Variants in TRAF3 observed in about 807,000 individuals in gnomAD.
TRAF3 encodes TNF receptor-associated factor 3.
In TRAF3, 13 loss-of-function variants were observed where a neutral mutation model predicts 62.3. The observed-to-expected ratio is 0.21, with a 90% CI of 0.14 to 0.33. The LOEUF (loss-of-function observed/expected upper bound fraction) is 0.33, where lower values mean the gene tolerates loss of function less well. Ranked by LOEUF, TRAF3 falls within the 10% of genes least tolerant of loss-of-function variation. The probability of loss-of-function intolerance (pLI) is 1.00; values close to 1 mark genes in which losing one functional copy is unlikely to be tolerated. For synonymous variants in TRAF3, 269 were observed against 283.4 expected (o/e 0.95, Z 0.51); for missense variants, 440 against 741.8 (o/e 0.59, Z 4.73).
chr14:102,778,651 G>A (rs1897141668), intron 1 of TRAF3, among the ~76,000 whole-genome samples: 1 of 152,170 alleles, frequency 6.6e-6, no homozygotes, highest in African/African-American at 2.4e-5. Context: ...GAAAGGTTAT[G>A]TCGAGCGTTG....
At chr14:102,854,027 G>A (rs766748850) in intron 2 of TRAF3, among the ~76,000 whole-genome samples, 4 of 152,028 alleles carry the variant, frequency 2.6e-5, no homozygotes. Flanking sequence ...TCATGTAATA[G>A]GAATCATACA....
intron 1 of TRAF3, among the ~76,000 whole-genome samples, chr14:102,800,336 G>C (rs1898318007): frequency 6.6e-6 from 1 of 152,216 alleles, no homozygotes; most frequent in Admixed American, 6.5e-5. Context: ...AGCTCTCAGA[G>C]AGGCTGTTAG....
intron 2 of TRAF3, among the ~76,000 whole-genome samples, chr14:102,864,705 C>T (rs1887880909): frequency 6.6e-6 from 1 of 152,158 alleles, no homozygotes; most frequent in Non-Finnish European, 1.5e-5. Flanking sequence ...GGGTTGAGGG[C>T]ATGTTAGTAA....
At chr14:102,821,798 C>T (rs1900002392) in intron 1 of TRAF3, among the ~76,000 whole-genome samples, 1 of 152,208 alleles carries the variant, frequency 6.6e-6, no homozygotes, top group Non-Finnish European at 1.5e-5. Context: ...AATCCCAGCA[C>T]TTTGGGAGCC....
At chr14:102,795,598 A>ATGTGTGTGTGTGTG (rs58263343) in intron 1 of TRAF3, among the ~76,000 whole-genome samples, 3,074 of 149,252 alleles carry the variant, frequency 0.021, 68 homozygotes, top group African/African-American at 0.052. Flanking sequence ...ATATGTATAT[A>ATGTGTGTGTGTGTG]TGTGTGTGTG....
At chr14:102,796,549 GCCT>G (rs1376671013) in intron 1 of TRAF3, among the ~76,000 whole-genome samples, 15 of 152,222 alleles carry the variant, frequency 9.9e-5, no homozygotes, top group African/African-American at 3.6e-4. Context: ...GGGGTGGACA[GCCT>G]TGGCGACTGA....
At chr14:102,777,949 G>C (rs1463679277) in intron 1 of TRAF3, among the ~76,000 whole-genome samples, 1 of 149,874 alleles carries the variant, frequency 6.7e-6, no homozygotes, top group Non-Finnish European at 1.5e-5. Flanking sequence ...CGAGGGGGCC[G>C]GGGCGCCCGC....
Position 102,872,833 on chromosome 14 carries a change from A to G in TRAF3, c.297+865A>G, listed in dbSNP as rs563740725. Among the ~76,000 whole-genome samples the G allele has an allele frequency of 5.3e-5, 8 of 152,094 alleles. No individual in the cohort carries two copies. The East Asian group carries it at 1.5e-3, about 29-fold the overall frequency. On this transcript the variant is annotated intron_variant, in intron 4 of 11. Transcript: ENST00000392745. Reference sequence around the variant, plus strand: ...CAGCCTCCCGAGTAGCTGGGATTACAGGCACGAGCCACCACGCCCAGCTAA... The same window carrying G: ...CAGCCTCCCGAGTAGCTGGGATTACGGGCACGAGCCACCACGCCCAGCTAA...
At chr14:102,895,666 A>T (rs551209550) in intron 9 of TRAF3, among the ~76,000 whole-genome samples, 3 of 152,352 alleles carry the variant, frequency 2.0e-5, no homozygotes, top group East Asian at 3.9e-4. Context: ...GGGGATCAAG[A>T]TGCCCTTTGT....
At position 102,779,269 on chromosome 14, in the gene TRAF3, C is replaced by CTTTTTTTTTTTTTTTT. The variant is rs61309052; in HGVS notation, c.-157+1608_-157+1623dup. ...GAGAGCTGGCCAGGGAGAATTCCAG[C>CTTTTTTTTTTTTTTTT]TTTTTTTTTTTTTTTTTTTTTTTTT... On this transcript the variant is annotated intron_variant, in intron 1 of 11. Coordinates refer to ENST00000392745, the MANE Select transcript of TRAF3 (RefSeq NM_145725.3). Among the ~76,000 whole-genome samples, 6 of 123,440 alleles carry CTTTTTTTTTTTTTTTT rather than the reference C, an allele frequency of 4.9e-5. 1 individual carries two copies. The highest frequency in any genetic ancestry group is 9.6e-5 in the Non-Finnish European group (6 of 62,558). The allele number at this position is 123,440 out of a possible 152,430, so 81.0% of individuals were successfully genotyped here. A position where few individuals can be genotyped will look rare whatever the true frequency, so the allele number is the denominator to read the frequency against.
At chr14:102,888,902 T>C (rs953142798) in intron 7 of TRAF3, among the ~76,000 whole-genome samples, 1 of 152,218 alleles carries the variant, frequency 6.6e-6, no homozygotes, top group Non-Finnish European at 1.5e-5. Flanking sequence ...GACTTTTTTC[T>C]TGCAAAACGA....
In TRAF3 at chr14:102,903,631, C is replaced by T. The variant is rs773578130; in HGVS notation, c.1135+202C>T. Reference sequence around the variant, plus strand: ...ACAAACGTTTCCCGCGCAGGCTTGTCCCCTCCGTGTGAGGCCCTACATGGT... The same window carrying T: ...ACAAACGTTTCCCGCGCAGGCTTGTTCCCTCCGTGTGAGGCCCTACATGGT... On this transcript the variant is annotated intron_variant, in intron 11 of 11. Transcript: ENST00000392745. The surrounding 1 kb of genome is among the most constrained non-coding windows in gnomAD (Gnocchi z 6.4). 7.6e-6 allele frequency: 6 copies of T among 792,354 alleles called. No homozygotes were observed. The highest frequency in any genetic ancestry group is 1.3e-5 in the Non-Finnish European group (6 of 473,734). The allele number at this position is 792,354 out of a possible 1,614,324, so 49.1% of individuals were successfully genotyped here. A position where few individuals can be genotyped will look rare whatever the true frequency, so the allele number is the denominator to read the frequency against.
chr14:102,893,504 G>A (rs1420905388), intron 9 of TRAF3, among the ~76,000 whole-genome samples: 1 of 152,088 alleles, frequency 6.6e-6, no homozygotes, highest in African/African-American at 2.4e-5. Flanking sequence ...GGTGTCATCT[G>A]GCAGCCTTTC....
chr14:102,800,814 G>A (rs917232388), intron 1 of TRAF3, among the ~76,000 whole-genome samples: 1 of 150,380 alleles, frequency 6.6e-6, no homozygotes, highest in Non-Finnish European at 1.5e-5. Context: ...TCCCACCTCA[G>A]CCTCTCAAGT....
chr14:102,876,221 CT>C, intron 5 of TRAF3, 136 bp from the exon 6 acceptor site: 1 of 856,716 alleles, frequency 1.2e-6, no homozygotes, highest in South Asian at 1.4e-5. Flanking sequence ...ATACTTGTTA[CT>C]CTTTGCTGTG....
chr14:102,888,946 C>T (rs1032872952), intron 7 of TRAF3, among the ~76,000 whole-genome samples: 4 of 152,166 alleles, frequency 2.6e-5, no homozygotes, highest in Non-Finnish European at 4.4e-5. Flanking sequence ...AATTTTCCTG[C>T]CATCAATTAG....
intron 2 of TRAF3, among the ~76,000 whole-genome samples, chr14:102,858,448 C>T (rs542606545): frequency 4.6e-5 from 7 of 152,228 alleles, no homozygotes; most frequent in Non-Finnish European, 8.8e-5. Context: ...CCACTGCACC[C>T]GGCCTAAGAA....
chr14:102,817,721 C>T (rs1356000297), intron 1 of TRAF3, among the ~76,000 whole-genome samples: 1 of 152,160 alleles, frequency 6.6e-6, no homozygotes, highest in Non-Finnish European at 1.5e-5. Flanking sequence ...ACTTCATATC[C>T]ATTGAGTTGC....
At chr14:102,828,948 C>A (rs949532191) in intron 1 of TRAF3, among the ~76,000 whole-genome samples, 70 of 152,156 alleles carry the variant, frequency 4.6e-4, no homozygotes, top group African/African-American at 1.6e-3. Context: ...AAATCTCAGC[C>A]ACTGGCTGTA....
Sources: allele counts gnomAD v4.1 joint callset (sites outside exome capture counted in the v4.1 genomes callset), GRCh38; gene constraint gnomAD v4.1.1; non-coding constraint Gnocchi (gnomAD v3.1); transcripts MANE v1.5; gene names NCBI Gene and HGNC (gene_info 2026-07-23, HGNC 2026-07-21).